The following DSTYK variants were observed in gnomAD, a reference collection of about 807,000 sequenced individuals.
DSTYK encodes the protein dual serine/threonine and tyrosine protein kinase, also known as RIP-homologous kinase.
A neutral mutation model predicts 98.7 loss-of-function variants in DSTYK; 34 were observed. The ratio of observed to expected loss-of-function variants is 0.34; its 90% confidence interval spans 0.26 to 0.46. The LOEUF (loss-of-function observed/expected upper bound fraction) is 0.46. Ranked by LOEUF, DSTYK falls within the 20% of genes least tolerant of loss-of-function variation. DSTYK has a pLI of 1.00. For missense variants in DSTYK, 962 were observed against 1,181.7 expected (o/e 0.81, Z 2.73); for synonymous variants, 462 against 457.3 (o/e 1.01, Z -0.13).
At chr1:205,184,863 G>A (rs1023597409) in intron 2 of DSTYK, among the ~76,000 whole-genome samples, 1 of 152,044 alleles carries the variant, frequency 6.6e-6, no homozygotes, top group Non-Finnish European at 1.5e-5. Flanking sequence ...GGGATTACAG[G>A]CATAATCACT....
In DSTYK at chr1:205,147,603, C is replaced by G; in HGVS notation, c.2745G>C (p.Lys915Asn). The change falls in exon 13 of 13, where the codon AAG becomes AAC. Residue 915 changes from lysine to asparagine, a missense_variant. By Grantham distance (94) the Lys-to-Asn change is moderately conservative (BLOSUM62 0). Transcript: ENST00000367162. ...CTCTGTTTGGCTGCTCAGAATTGGA[C>G]TTGCAGAGCCGATTCATGATGCCCT... Reference protein sequence around the residue: ...MLQGIMNRLCKSNSEQPNRGL... With the variant: ...MLQGIMNRLCNSNSEQPNRGL... 1 of 1,613,800 alleles carries G rather than the reference C, an allele frequency of 6.2e-7. No homozygotes were observed. Among genetic ancestry groups the G allele is most frequent in the Non-Finnish European group, 8.5e-7 (1 of 1,179,672 alleles).
chr1:205,169,258 T>A lies in DSTYK; in HGVS notation c.1229A>T (p.Asn410Ile), dbSNP rs200422779. 26 of 1,614,172 alleles carry A rather than the reference T, an allele frequency of 1.6e-5. No individual in the cohort carries two copies. In the East Asian group the frequency reaches 5.3e-4, roughly 33 times the overall value. ...ELYESLMNIA[N>I]RKQEEMKDMI... ...ATCCTTCATTTCCTCCTGCTTTCGG[T>A]TGGCAATATTCATCAATGATTCATA... Residue 410 changes from asparagine to isoleucine, a missense_variant, in exon 3 of 13, where the codon AAC becomes ATC. Physicochemically the swap from Asn to Ile is moderately radical, Grantham distance 149 (BLOSUM62 -3). Around this residue, in one of 4 missense-constraint regions of DSTYK, gnomAD observed 660 missense variants for 855.0 expected, o/e 0.77. Coordinates refer to ENST00000367162, the MANE Select transcript of DSTYK (RefSeq NM_015375.3). The surrounding 1 kb of genome is among the most constrained non-coding windows in gnomAD (Gnocchi z 4.0).
chr1:205,208,272 TA>T (rs2102489562), intron 1 of DSTYK, among the ~76,000 whole-genome samples: 1 of 152,330 alleles, frequency 6.6e-6, no homozygotes, highest in East Asian at 1.9e-4. Context: ...AGGCAAATAT[TA>T]TTTTGGGGTC....
In DSTYK at chr1:205,163,846, A is replaced by C. The variant is rs768981307; in HGVS notation, c.1434T>G (p.Asn478Lys). The change falls in exon 4 of 13, where the codon AAT (asparagine) becomes AAG (lysine). Residue 478 changes from asparagine (N) to lysine (K), a missense_variant. Asn to Lys is a moderately conservative substitution (Grantham distance 94). This residue lies in a region of DSTYK where 660 missense variants were observed against 855.0 expected (regional missense o/e 0.77). Coordinates refer to ENST00000367162, the MANE Select transcript of DSTYK (RefSeq NM_015375.3). ...GGTAATCCACTGAGCTGATCAGCTT[A>C]TTAGCCACTGCCTGATTAAGTCGGG... Reference protein sequence around the residue: ...IISRLNQAVANKLISSVDYLR... With the variant: ...IISRLNQAVAKKLISSVDYLR... The C allele has an allele frequency of 6.2e-7, 1 of 1,614,054 alleles. No homozygotes were observed. Among genetic ancestry groups the C allele is most frequent in the Non-Finnish European group, 8.5e-7 (1 of 1,180,040 alleles).
intron 1 of DSTYK, among the ~76,000 whole-genome samples, chr1:205,208,059 T>C (rs1435732693): frequency 6.6e-6 from 1 of 151,968 alleles, no homozygotes; most frequent in Non-Finnish European, 1.5e-5. Flanking sequence ...TTTGGATTTT[T>C]AATAGAGACG....
intron 2 of DSTYK, among the ~76,000 whole-genome samples, chr1:205,182,642 C>T (rs1362356036): frequency 6.6e-6 from 1 of 151,470 alleles, no homozygotes; most frequent in Admixed American, 6.6e-5. Context: ...CCCATCTCTA[C>T]CAAAAGTACA....
At chr1:205,177,985 A>G (rs1454767241) in intron 2 of DSTYK, among the ~76,000 whole-genome samples, 1 of 152,204 alleles carries the variant, frequency 6.6e-6, no homozygotes, top group Admixed American at 6.5e-5. Flanking sequence ...CCTCAAAGAA[A>G]CTGGGATCAA....
chr1:205,189,629 C>CCTAG (rs1558620718), intron 1 of DSTYK, among the ~76,000 whole-genome samples: 2 of 152,156 alleles, frequency 1.3e-5, no homozygotes, highest in Non-Finnish European at 2.9e-5. Flanking sequence ...AGTGAACCTA[C>CCTAG]CTAGCTACGA....
At chr1:205,156,535 TG>T (rs1657566571) in intron 10 of DSTYK, among the ~76,000 whole-genome samples, 1 of 152,230 alleles carries the variant, frequency 6.6e-6, no homozygotes, top group Non-Finnish European at 1.5e-5. Flanking sequence ...GTAGCACCTT[TG>T]TTTTGGCCAA....
chr1:205,178,464 T>C lies in DSTYK; in HGVS notation c.655-8632A>G, dbSNP rs144035600. ...GAGAGACAAAATATTTTCTCTAGAA[T>C]GGAGAAGAGGGAAATAGAAAGGAGG... On this transcript the variant is annotated intron_variant, in intron 2 of 12. Transcript: ENST00000367162. Among the ~76,000 whole-genome samples the C allele has an allele frequency of 1.2e-3, 187 of 152,224 alleles. 1 individual carries two copies. The highest frequency in any genetic ancestry group is 2.2e-3 in the Non-Finnish European group (152 of 68,016).
chr1:205,149,392 C>G (rs1657338885), intron 11 of DSTYK, among the ~76,000 whole-genome samples: 1 of 152,114 alleles, frequency 6.6e-6, no homozygotes, highest in Non-Finnish European at 1.5e-5. Flanking sequence ...TTAACTCTTA[C>G]CAATACTAAT....
At chr1:205,173,403 AAAAAAAAAG>A (rs1352653315) in intron 2 of DSTYK, 4 of 151,436 alleles carry the variant, frequency 2.6e-5, no homozygotes, top group Non-Finnish European at 4.4e-5. Flanking sequence ...AAAAAAAAAA[AAAAAAAAAG>A]AAAAGAAAAG....
At chr1:205,157,047 A>G (rs1037419885) in intron 10 of DSTYK, among the ~76,000 whole-genome samples, 2 of 152,168 alleles carry the variant, frequency 1.3e-5, no homozygotes, top group African/African-American at 4.8e-5. Flanking sequence ...CACCATAACT[A>G]AAAGTTTCCT....
intron 3 of DSTYK, among the ~76,000 whole-genome samples, chr1:205,168,083 G>A (rs1657941644): frequency 6.6e-6 from 1 of 152,206 alleles, no homozygotes. Flanking sequence ...TCCAGCCTGG[G>A]CGACAGAGCG....
intron 10 of DSTYK, among the ~76,000 whole-genome samples, chr1:205,153,847 G>A (rs1657477386): frequency 6.6e-6 from 1 of 150,588 alleles, no homozygotes; most frequent in Non-Finnish European, 1.5e-5. Context: ...GGGACTACAG[G>A]CATGCACACG....
intron 1 of DSTYK, among the ~76,000 whole-genome samples, chr1:205,188,346 G>A (rs1658616373): frequency 6.6e-6 from 1 of 152,162 alleles, no homozygotes; most frequent in African/African-American, 2.4e-5. Context: ...TTGTCATTGT[G>A]TAAACATCAG....
rs1659363570 is a variant in DSTYK, at chr1:205,211,200, C to T, written c.265+71G>A. On this transcript the variant is annotated intron_variant, in intron 1 of 12. Coordinates refer to ENST00000367162, the MANE Select transcript of DSTYK (RefSeq NM_015375.3). ...CCCGAGAAGACTCGGGCTTGTTTTG[C>T]AGGGCAGGGGTGCGGTCCGTCCTCC... 25 of 1,496,984 alleles carry T rather than the reference C, an allele frequency of 1.7e-5. No individual in the cohort carries two copies. In the South Asian group the frequency reaches 3.1e-4, roughly 18 times the overall value. The allele number at this position is 1,496,984 out of a possible 1,614,324, so 92.7% of individuals were successfully genotyped here.
chr1:205,171,348 G>C (rs974881277), intron 2 of DSTYK, among the ~76,000 whole-genome samples: 6 of 151,404 alleles, frequency 4.0e-5, no homozygotes, highest in African/African-American at 1.5e-4. Context: ...CTACTCCAGA[G>C]ACTGAGGCAG....
chr1:205,201,404 G>GAA (rs1491178320), intron 1 of DSTYK, among the ~76,000 whole-genome samples: 2,790 of 53,956 alleles, frequency 0.052, 39 homozygotes, highest in East Asian at 0.17. Context: ...TTTTTTTAAT[G>GAA]CAAAAAAAAA....
Sources: allele counts gnomAD v4.1 joint callset (sites outside exome capture counted in the v4.1 genomes callset), GRCh38; gene constraint gnomAD v4.1.1; regional missense constraint gnomAD v4.1.1; non-coding constraint Gnocchi (gnomAD v3.1); transcripts MANE v1.5; gene names NCBI Gene and HGNC (gene_info 2026-07-23, HGNC 2026-07-21).